CISH: variants seen among roughly 807,000 people sequenced by gnomAD.
The protein encoded by CISH is cytokine-inducible SH2-containing protein.
In CISH, 11 loss-of-function variants were observed where a neutral mutation model predicts 21.3. The ratio of observed to expected loss-of-function variants is 0.52; its 90% CI spans 0.32 to 0.85. The LOEUF is 0.85. Among genes scored for constraint, CISH ranks in the 40% least tolerant of loss-of-function variants. The pLI is 0.03. For missense variants in CISH, 280 were observed against 351.7 expected (o/e 0.80, Z 1.63); for synonymous variants, 118 against 142.3 (o/e 0.83, Z 1.22).
In CISH at chr3:50,607,928, G is replaced by T. The variant is rs1559477864; in HGVS notation, c.456C>A (p.Ala152=). Residue 152 remains alanine (A), a synonymous_variant, in exon 3 of 3, where the codon GCC becomes GCA. Transcript: ENST00000348721. The stretch of plus-strand genomic sequence containing the variant: ...GCACAAGGCTGACCACATCCGGAAA[G>T]GCCAGGATGCGTGGCCTGGACAAGC... ...SNCLSRPRIL[A]FPDVVSLVQH... 1 of 1,613,942 alleles carries T rather than the reference G, an allele frequency of 6.2e-7. No individual in the cohort carries two copies. Among genetic ancestry groups the T allele is most frequent in the South Asian group, 1.1e-5 (1 of 91,082 alleles).
In CISH at chr3:50,611,644, G is replaced by C. The variant is rs1167039251; in HGVS notation, c.7C>G (p.Leu3Val). The C allele has an allele frequency of 1.3e-6, 2 of 1,499,476 alleles. No individual in the cohort carries two copies. The highest frequency in any genetic ancestry group is 4.7e-5 in the Admixed American group (2 of 42,442). The allele number at this position is 1,499,476 out of a possible 1,614,324, so 92.9% of individuals were successfully genotyped here. Residue 3 changes from leucine to valine, a missense_variant, in exon 1 of 3, where the codon CTC becomes GTC. By Grantham distance (32) the Leu-to-Val change is conservative (BLOSUM62 1). Coordinates refer to ENST00000348721, the MANE Select transcript of CISH (RefSeq NM_145071.4). The part of the protein sequence containing the change: MV[L>V]CVQGPRPLLA... The stretch of plus-strand genomic sequence containing the variant: ...AGCCGCGCTTACCCCTGAACGCAGA[G>C]GACCATGTCCCCGCGGCAGCGGCGA...
intron 1 of CISH, 106 bp downstream of exon 1, chr3:50,611,525 C>T: frequency 6.6e-7 from 1 of 1,512,430 alleles, no homozygotes; most frequent in South Asian, 1.2e-5. Context: ...CGCTCAGTCA[C>T]CTCTGGCCCG....
In CISH at chr3:50,608,901, C is replaced by T. The variant is rs566838197; in HGVS notation, c.21-308G>A. ...TATCAACCAAAAACACAGATCATTC[C>T]CTATAGGCATGTCTAATGTTCTCAC... On this transcript the variant is annotated intron_variant, in intron 1 of 2. Transcript: ENST00000348721. 67 of 331,760 alleles carry T rather than the reference C, an allele frequency of 2.0e-4. No individual in the cohort carries two copies. In the East Asian group the frequency reaches 2.9e-3, roughly 14 times the overall value. 20.6% of individuals were successfully genotyped at this position (331,760 alleles called of 1,614,324 possible). A position where few individuals can be genotyped will look rare whatever the true frequency, so the allele number is the denominator to read the frequency against.
chr3:50,610,623 C>T (rs2032295867), intron 1 of CISH: 2 of 1,444,560 alleles, frequency 1.4e-6, no homozygotes, highest in South Asian at 1.5e-5. Context: ...TTCAGGAGTC[C>T]CAGAATGCAG....
In CISH at chr3:50,608,353, G is replaced by T. The variant is rs1179292903; in HGVS notation, c.241+20C>A. On this transcript the variant is annotated intron_variant, in intron 2 of 2. Transcript: ENST00000348721. Reference sequence around the variant, plus strand: ...CACCAGACTACTCAGGAAAAGGCCTGCCTCCCCCCTCAGACTCACCAGATT... The same window carrying T: ...CACCAGACTACTCAGGAAAAGGCCTTCCTCCCCCCTCAGACTCACCAGATT... The T allele has an allele frequency of 1.3e-6, 2 of 1,573,546 alleles. No homozygotes were observed. The highest frequency in any genetic ancestry group is 1.7e-6 in the Non-Finnish European group (2 of 1,158,826).
At chr3:50,608,271 C>T in intron 2 of CISH, 102 bp downstream of exon 2, 3 of 1,463,546 alleles carry the variant, frequency 2.0e-6, no homozygotes, top group Middle Eastern at 1.8e-4. Context: ...CCATCAGACT[C>T]TCCTGGGCCG....
chr3:50,610,638 G>A lies in CISH; in HGVS notation c.20+993C>T, dbSNP rs527891400. Reference sequence around the variant, plus strand: ...TTCAGGAGTCCCAGAATGCAGACAGGAGGAAGGAACTTGCTGGAGACAGCA... The same window carrying A: ...TTCAGGAGTCCCAGAATGCAGACAGAAGGAAGGAACTTGCTGGAGACAGCA... On this transcript the variant is annotated intron_variant, in intron 1 of 2. Transcript: ENST00000348721. 6 of 1,433,884 alleles carry A rather than the reference G, an allele frequency of 4.2e-6. No homozygotes were observed. The East Asian group carries it at 1.0e-4, about 24-fold the overall frequency. 88.8% of individuals were successfully genotyped at this position (1,433,884 alleles called of 1,614,324 possible).
intron 1 of CISH, chr3:50,608,809 CT>C (rs1472544016): frequency 4.6e-6 from 2 of 433,022 alleles, no homozygotes; most frequent in African/African-American, 4.1e-5. Flanking sequence ...TGTGGGGATC[CT>C]CTTTTGAAAG....
At chr3:50,610,210 G>T in intron 1 of CISH, 1 of 757,192 alleles carries the variant, frequency 1.3e-6, no homozygotes, top group Non-Finnish European at 2.2e-6. Flanking sequence ...GAGCATGGTT[G>T]GTGGCTAGCC....
chr3:50,607,777 C>G lies in CISH; in HGVS notation c.607G>C (p.Ala203Pro), dbSNP rs1460802884. Residue 203 changes from alanine (A) to proline (P), a missense_variant, in exon 3 of 3, where the codon GCC becomes CCC. By Grantham distance (27) the Ala-to-Pro change is conservative (BLOSUM62 -1). Transcript: ENST00000348721. Reference sequence around the variant, plus strand: ...ACCAGTTTTAGGTGTACAGCAGTGGCTGGTGGAGGAGCAGGCAGTGCTGGG... The same window carrying G: ...ACCAGTTTTAGGTGTACAGCAGTGGGTGGTGGAGGAGCAGGCAGTGCTGGG... The part of the protein sequence containing the change: ...SDPALPAPPP[A>P]TAVHLKLVQP... 6.2e-7 allele frequency: 1 copy of G among 1,613,898 alleles called. No individual in the cohort carries two copies. Among genetic ancestry groups the G allele is most frequent in the East Asian group, 2.2e-5 (1 of 44,886 alleles).
rs376743036 is a variant in CISH, at chr3:50,607,651, G to A, written c.733C>T (p.Arg245Trp). 5.0e-6 allele frequency: 8 copies of A among 1,613,546 alleles called. No individual in the cohort carries two copies. Among genetic ancestry groups the A allele is most frequent in the Non-Finnish European group, 5.1e-6 (6 of 1,179,984 alleles). The change falls in exon 3 of 3, where the codon CGG becomes TGG. Residue 245 changes from arginine (R) to tryptophan (W), a missense_variant. By Grantham distance (101) the Arg-to-Trp change is moderately radical. Transcript: ENST00000348721. ...VADVDCLPLP[R>W]RMADYLRQYP... is the part of the protein sequence containing the mutation. ...TGTCGGAGGTAGTCGGCCATGCGCC[G>A]GGGCAGTGGCAGGCAGTCCACGTCG...
intron 1 of CISH, chr3:50,609,267 T>C (rs1412723209): frequency 1.3e-5 from 2 of 152,392 alleles, no homozygotes; most frequent in Middle Eastern, 6.8e-3. Flanking sequence ...GGGTGGACAG[T>C]GGCCTCTAAA....
chr3:50,611,294 A>G (rs932800232), intron 1 of CISH: 12 of 1,263,320 alleles, frequency 9.5e-6, no homozygotes, highest in Middle Eastern at 5.9e-4. Context: ...CTCTGGGCCC[A>G]GAAGAATATC....
At chr3:50,610,099 C>T (rs900832836) in intron 1 of CISH, 4 of 491,928 alleles carry the variant, frequency 8.1e-6, no homozygotes, top group African/African-American at 5.8e-5. Context: ...TTTTCCACAC[C>T]TACCCTGGCT....
intron 1 of CISH, chr3:50,611,376 GAGCCCACCCTGT>G: frequency 7.4e-7 from 1 of 1,354,146 alleles, no homozygotes; most frequent in South Asian, 1.8e-5. Flanking sequence ...AACCCAGGCT[GAGCCCACCCTGT>G]GAGTTCCTCC....
At chr3:50,609,514 C>G (rs1023718976) in intron 1 of CISH, 12 of 152,222 alleles carry the variant, frequency 7.9e-5, no homozygotes. Flanking sequence ...GGGAACTGAG[C>G]CGACCAAAAT....
At position 50,606,538 on chromosome 3, in the gene CISH, T is replaced by C. The variant is rs2032157793; in HGVS notation, c.*1069A>G. The C allele has an allele frequency of 6.6e-6, 1 of 152,194 alleles. No individual in the cohort carries two copies. The highest frequency in any genetic ancestry group is 2.1e-4 in the South Asian group (1 of 4,830). The allele number at this position is 152,194 out of a possible 1,614,324, so 9.4% of individuals were successfully genotyped here. A position where few individuals can be genotyped will look rare whatever the true frequency, so the allele number is the denominator to read the frequency against. On this transcript the variant is annotated 3_prime_UTR_variant, in exon 3 of 3. Transcript: ENST00000348721. ...TAGAGGTAATAAAATAAAGAGGTAATAAAGGTATAATGTCATTACAGAAAA... is the reference window on the plus strand; with the variant it reads ...TAGAGGTAATAAAATAAAGAGGTAACAAAGGTATAATGTCATTACAGAAAA...
rs752024928 is a variant in CISH at position 50,607,756 on chromosome 3, G to A, written c.628C>T (p.Leu210=). 127 of 1,613,894 alleles carry A rather than the reference G, an allele frequency of 7.9e-5. No individual in the cohort carries two copies. Among genetic ancestry groups the A allele is most frequent in the Non-Finnish European group, 1.1e-4 (124 of 1,179,952 alleles). ...PPPATAVHLK[L]VQPFVRRSSA... is the part of the protein sequence containing the mutation. ...CTTCTGCGTACAAAGGGCTGCACCA[G>A]TTTTAGGTGTACAGCAGTGGCTGGT... Residue 210 remains leucine (L), a synonymous_variant, in exon 3 of 3, where the codon CTG becomes TTG. Coordinates refer to ENST00000348721, the MANE Select transcript of CISH (RefSeq NM_145071.4).
At chr3:50,610,370 T>C (rs1345524482) in intron 1 of CISH, 10 of 1,551,376 alleles carry the variant, frequency 6.4e-6, no homozygotes, top group African/African-American at 1.4e-5. Flanking sequence ...GGTGAGTGTG[T>C]ACCTGGGCAG....
Sources: allele counts gnomAD v4.1 joint callset, GRCh38; gene constraint gnomAD v4.1.1; transcripts MANE v1.5; gene names NCBI Gene and HGNC (gene_info 2026-07-23, HGNC 2026-07-21).